Variants in SLC8A1 observed in about 807,000 individuals in gnomAD.
SLC8A1 encodes the protein solute carrier family 8 member A1.
Under a neutral mutation model 68.3 loss-of-function variants are expected in SLC8A1, and 18 were observed. The observed-to-expected ratio is 0.26, with a 90% CI of 0.18 to 0.39. SLC8A1 has a LOEUF of 0.39. Ranked by LOEUF, SLC8A1 falls within the 10% of genes least tolerant of loss-of-function variation. SLC8A1 has a pLI of 1.00. For missense variants in SLC8A1, 985 were observed against 1,156.7 expected (o/e 0.85, Z 2.15); for synonymous variants, 475 against 415.5 (o/e 1.14, Z -1.74).
chr2:40,311,730 T>TC (rs935008108), intron 2 of SLC8A1, among the ~76,000 whole-genome samples: 54 of 152,288 alleles, frequency 3.5e-4, no homozygotes, highest in Admixed American at 5.9e-4. Context: ...TATTTTTTTT[T>TC]CTGGAATGAA....
At chr2:40,486,657 G>A (rs367609623) in intron 1 of SLC8A1, among the ~76,000 whole-genome samples, 1 of 151,978 alleles carries the variant, frequency 6.6e-6, no homozygotes, top group African/African-American at 2.4e-5. Context: ...GGGAAAATAT[G>A]TCTAACCACA....
intron 2 of SLC8A1, among the ~76,000 whole-genome samples, chr2:40,343,370 T>G (rs1011932091): frequency 1.3e-5 from 2 of 152,186 alleles, no homozygotes; most frequent in African/African-American, 4.8e-5. Flanking sequence ...TTTGGGAACT[T>G]CTGGATTAAT....
chr2:40,211,819 A>G (rs900037252), intron 2 of SLC8A1, among the ~76,000 whole-genome samples: 2 of 152,186 alleles, frequency 1.3e-5, no homozygotes, highest in Non-Finnish European at 2.9e-5. Flanking sequence ...GTGATACAGA[A>G]TCCGGATCAC....
chr2:40,115,473 T>G, exon 8 of SLC8A1: 1 of 1,614,098 alleles, frequency 6.2e-7, no homozygotes, highest in Non-Finnish European at 8.5e-7. Flanking sequence ...AGGGGACACT[T>G]TGAACTGTTC....
chr2:40,373,562 T>A (rs1243496294), intron 2 of SLC8A1, among the ~76,000 whole-genome samples: 2 of 152,092 alleles, frequency 1.3e-5, no homozygotes, highest in Non-Finnish European at 2.9e-5. Context: ...TTTTTCAAGT[T>A]TTTTTACTTA....
chr2:40,254,464 CTAAATGCAG>C (rs2063548271), intron 2 of SLC8A1: 1 of 114,408 alleles, frequency 8.7e-6, no homozygotes, highest in South Asian at 2.5e-4. Context: ...AAACATGAAG[CTAAATGCAG>C]TAAAGAATTA....
At chr2:40,460,994 A>T (rs1703308210) in intron 1 of SLC8A1, among the ~76,000 whole-genome samples, 1 of 152,220 alleles carries the variant, frequency 6.6e-6, no homozygotes, top group African/African-American at 2.4e-5. Flanking sequence ...CCAGAGACTC[A>T]CATAAAAGGA....
At chr2:40,336,422 T>G (rs955981883) in intron 2 of SLC8A1, among the ~76,000 whole-genome samples, 11 of 152,278 alleles carry the variant, frequency 7.2e-5, no homozygotes, top group Non-Finnish European at 1.6e-4. Flanking sequence ...ACTAAAAATC[T>G]CAGAATATCC....
intron 2 of SLC8A1, among the ~76,000 whole-genome samples, chr2:40,329,538 G>C (rs1346132173): frequency 2.6e-5 from 4 of 152,170 alleles, no homozygotes; most frequent in Non-Finnish European, 5.9e-5. Flanking sequence ...ACAGATGTGA[G>C]GAAGAATAAG....
intron 1 of SLC8A1, among the ~76,000 whole-genome samples, chr2:40,489,214 G>C (rs183941622): frequency 6.6e-6 from 1 of 152,116 alleles, no homozygotes; most frequent in East Asian, 1.9e-4. Context: ...ATTTATAAGA[G>C]AAACATAATT....
At chr2:40,453,097 G>C (rs963894000), upstream of SLC8A1, 10 of 152,010 alleles carry the variant, frequency 6.6e-5, no homozygotes, top group African/African-American at 2.4e-4. Flanking sequence ...GACTTCACGT[G>C]GTGAAAGGCT....
At chr2:40,253,131 A>G (rs1281272401) in intron 2 of SLC8A1, among the ~76,000 whole-genome samples, 6 of 109,872 alleles carry the variant, frequency 5.5e-5, no homozygotes, top group African/African-American at 1.2e-4. Context: ...ATATACACGT[A>G]TATATGTATA....
chr2:40,154,496 T>C (rs1261134781), intron 6 of SLC8A1, among the ~76,000 whole-genome samples: 1 of 145,404 alleles, frequency 6.9e-6, no homozygotes, highest in Non-Finnish European at 1.5e-5. Flanking sequence ...TTTTTTTTTT[T>C]TTTTGTATTT....
At chr2:40,400,362 G>GAA (rs1356898674) in intron 2 of SLC8A1, among the ~76,000 whole-genome samples, 2 of 152,130 alleles carry the variant, frequency 1.3e-5, no homozygotes, top group African/African-American at 4.8e-5. Context: ...TAATTGAAGG[G>GAA]AAGACTCACC....
chr2:40,291,877 CCT>C (rs1485824739), intron 2 of SLC8A1, among the ~76,000 whole-genome samples: 1 of 151,524 alleles, frequency 6.6e-6, no homozygotes, highest in Non-Finnish European at 1.5e-5. Flanking sequence ...GTCACAACAC[CCT>C]GAGTGCTGGA....
At chr2:40,185,170 A>G (rs927592908) in intron 2 of SLC8A1, among the ~76,000 whole-genome samples, 1 of 152,224 alleles carries the variant, frequency 6.6e-6, no homozygotes, top group African/African-American at 2.4e-5. Flanking sequence ...GGAATGTAAA[A>G]TAATGCAGCC....
intron 2 of SLC8A1, among the ~76,000 whole-genome samples, chr2:40,185,248 C>G (rs1412846703): frequency 1.3e-5 from 2 of 152,060 alleles, no homozygotes; most frequent in Non-Finnish European, 2.9e-5. Context: ...CACTATATGC[C>G]AAAGAGAATT....
At chr2:40,228,104 C>T (rs2059210869) in intron 2 of SLC8A1, among the ~76,000 whole-genome samples, 1 of 152,146 alleles carries the variant, frequency 6.6e-6, no homozygotes, top group African/African-American at 2.4e-5. Context: ...TTGAGGACTG[C>T]CTTTCATCAG....
intron 2 of SLC8A1, among the ~76,000 whole-genome samples, chr2:40,413,578 A>G (rs1259486007): frequency 6.6e-6 from 1 of 152,186 alleles, no homozygotes. Flanking sequence ...GGTCTGCTTT[A>G]CATCCTATAC....
Sources: gnomAD v4.1 joint callset for allele counts (sites outside exome capture counted in the v4.1 genomes callset) on GRCh38, gnomAD v4.1.1 for gene constraint, MANE v1.5 for transcripts, NCBI Gene and HGNC (gene_info 2026-07-23, HGNC 2026-07-21) for gene names.